Variants in POLR3F observed in about 807,000 individuals in gnomAD.
POLR3F encodes RNA polymerase III subunit F, also known as DNA-directed RNA polymerase III subunit RPC6.
POLR3F carries 31 observed loss-of-function variants against 43.6 expected under a neutral mutation model. The observed-to-expected ratio is 0.71, with a 90% CI of 0.53 to 0.96. The LOEUF (loss-of-function observed/expected upper bound fraction) is 0.96. POLR3F is among the 40% of genes least tolerant of loss of function. The probability of loss-of-function intolerance (pLI) is 0.00; values close to 1 mark genes in which losing one functional copy is unlikely to be tolerated. For missense variants in POLR3F, 316 were observed against 391.7 expected (o/e 0.81, Z 1.63); for synonymous variants, 114 against 132.5 (o/e 0.86, Z 0.96).
rs1330795235 is a variant in POLR3F, at chr20:18,483,706, A to C, written c.*148A>C. 4 of 430,624 alleles carry C rather than the reference A, an allele frequency of 9.3e-6. No individual in the cohort carries two copies. 26.7% of individuals were successfully genotyped at this position (430,624 alleles called of 1,614,324 possible). On this transcript the variant is annotated 3_prime_UTR_variant, in exon 9 of 9. Coordinates refer to ENST00000377603, the MANE Select transcript of POLR3F (RefSeq NM_006466.4). ...GCTGCTATGAAAACATATTTTTTTT[A>C]TTTATGAAGACTAAATTTATATTGG...
chr20:18,481,276 T>A (rs2059807860), intron 7 of POLR3F, among the ~76,000 whole-genome samples: 1 of 152,174 alleles, frequency 6.6e-6, no homozygotes, highest in African/African-American at 2.4e-5. Flanking sequence ...AGTTTGGCTC[T>A]TGTTGCCCAG....
chr20:18,475,273 G>T, intron 5 of POLR3F, 86 bp downstream of exon 5: 1 of 590,972 alleles, frequency 1.7e-6, no homozygotes, highest in Non-Finnish European at 3.1e-6. Context: ...TAGAACAGCT[G>T]GTCAAAAAAG....
At position 18,472,876 on chromosome 20, in the gene POLR3F, T is replaced by C. The variant is rs1185033441; in HGVS notation, c.215T>C (p.Leu72Pro). ...QLDLLRSNTG[L>P]LYRIKDSQNA... ...GATCTCTTAAGGAGCAATACGGGCC[T>C]TTTATATAGAATAAAGGACTCTCAG... The change falls in exon 3 of 9, where the codon CTT becomes CCT. Residue 72 changes from leucine to proline, a missense_variant. By Grantham distance (98) the Leu-to-Pro change is moderately conservative. This residue lies in a region of POLR3F where 122 missense variants were observed against 133.8 expected (regional missense o/e 0.91). Coordinates refer to ENST00000377603, the MANE Select transcript of POLR3F (RefSeq NM_006466.4). The C allele has an allele frequency of 6.6e-7, 1 of 1,518,138 alleles. No homozygotes were observed. Among genetic ancestry groups the C allele is most frequent in the Non-Finnish European group, 9.1e-7 (1 of 1,104,640 alleles). The allele number at this position is 1,518,138 out of a possible 1,614,324, so 94.0% of individuals were successfully genotyped here.
At chr20:18,469,137 G>A (rs1296141903) in intron 2 of POLR3F, 76 bp downstream of exon 2, 1 of 762,480 alleles carries the variant, frequency 1.3e-6, no homozygotes, top group Non-Finnish European at 2.4e-6. Context: ...AGTTGTGATG[G>A]TTAATTTCAT....
chr20:18,484,177 G>A lies in POLR3F; in HGVS notation c.*619G>A. On this transcript the variant is annotated 3_prime_UTR_variant, in exon 9 of 9. Transcript: ENST00000377603. The stretch of plus-strand genomic sequence containing the variant: ...CTACCATACTTACTTCAAACCCAAT[G>A]ACTACTGTCAAGGACATATTTTCAG... 2.5e-6 allele frequency: 1 copy of A among 398,240 alleles called. No homozygotes were observed. The allele number at this position is 398,240 out of a possible 1,614,324, so 24.7% of individuals were successfully genotyped here.
rs1415216456 is a variant in POLR3F, at chr20:18,484,075, G to A, written c.*517G>A. On this transcript the variant is annotated 3_prime_UTR_variant, in exon 9 of 9. Transcript: ENST00000377603. ...AAGAGTGCAAACTTGGGGTATGACTGGGGGAGAGTGGAACATGCCTTTTCC... is the reference window on the plus strand; with the variant it reads ...AAGAGTGCAAACTTGGGGTATGACTAGGGGAGAGTGGAACATGCCTTTTCC... 1 of 398,354 alleles carries A rather than the reference G, an allele frequency of 2.5e-6. No homozygotes were observed. The highest frequency in any genetic ancestry group is 2.1e-5 in the African/African-American group (1 of 48,584). 24.7% of individuals were successfully genotyped at this position (398,354 alleles called of 1,614,324 possible). A position where few individuals can be genotyped will look rare whatever the true frequency, so the allele number is the denominator to read the frequency against.
rs761078307 is a variant in POLR3F at position 18,467,458 on chromosome 20, C to A, written c.-49C>A. The A allele has an allele frequency of 1.2e-6, 2 of 1,607,560 alleles. No homozygotes were observed. On this transcript the variant is annotated 5_prime_UTR_variant, in exon 1 of 9. Coordinates refer to ENST00000377603, the MANE Select transcript of POLR3F (RefSeq NM_006466.4). ...TTCCCCGGGTTCCCCGGCTTGCTAC[C>A]GGGCTGCTCCGTGCATCTTTCCCCC...
intron 8 of POLR3F, among the ~76,000 whole-genome samples, chr20:18,482,255 A>G (rs1226323467): frequency 6.6e-6 from 1 of 152,106 alleles, no homozygotes; most frequent in Non-Finnish European, 1.5e-5. Context: ...AAGTGCTGAG[A>G]TTACAGGCAT....
intron 4 of POLR3F, among the ~76,000 whole-genome samples, chr20:18,474,612 G>A (rs930175623): frequency 1.3e-5 from 2 of 151,170 alleles, no homozygotes; most frequent in Admixed American, 6.6e-5. Context: ...TCCGCCTCCC[G>A]GGTTCAAACG....
chr20:18,476,111 T>C (rs2059778623), intron 5 of POLR3F, among the ~76,000 whole-genome samples: 1 of 152,192 alleles, frequency 6.6e-6, no homozygotes, highest in South Asian at 2.1e-4. Context: ...ACTACAGAAT[T>C]CATTCAACCT....
Position 18,468,946 on chromosome 20 carries a change from T to C in POLR3F, c.65T>C (p.Ile22Thr). 7.1e-7 allele frequency: 1 copy of C among 1,398,680 alleles called. No homozygotes were observed. Among genetic ancestry groups the C allele is most frequent in the Non-Finnish European group, 1.0e-6 (1 of 983,502 alleles). The allele number at this position is 1,398,680 out of a possible 1,614,324, so 86.6% of individuals were successfully genotyped here. A position where few individuals can be genotyped will look rare whatever the true frequency, so the allele number is the denominator to read the frequency against. The change falls in exon 2 of 9, where the codon ATT becomes ACT. Residue 22 changes from isoleucine to threonine, a missense_variant and splice_region_variant. By Grantham distance (89) the Ile-to-Thr change is moderately conservative (BLOSUM62 -1). Coordinates refer to ENST00000377603, the MANE Select transcript of POLR3F (RefSeq NM_006466.4). ...AACATTAATACCTTTGTTTCTAGGA[T>C]TATAGAATTATGTCACCAGTTCCCT... ...DADPVEIENR[I>T]IELCHQFPHG...
Position 18,483,695 on chromosome 20 carries a change from A to T in POLR3F, c.*137A>T. 2.3e-6 allele frequency: 1 copy of T among 434,302 alleles called. No individual in the cohort carries two copies. The highest frequency in any genetic ancestry group is 3.5e-5 in the East Asian group (1 of 28,210). The allele number at this position is 434,302 out of a possible 1,614,324, so 26.9% of individuals were successfully genotyped here. A position where few individuals can be genotyped will look rare whatever the true frequency, so the allele number is the denominator to read the frequency against. On this transcript the variant is annotated 3_prime_UTR_variant, in exon 9 of 9. Coordinates refer to ENST00000377603, the MANE Select transcript of POLR3F (RefSeq NM_006466.4). ...GACGTAGACTTGCTGCTATGAAAAC[A>T]TATTTTTTTTATTTATGAAGACTAA...
At chr20:18,474,680 G>A (rs183749875) in intron 4 of POLR3F, among the ~76,000 whole-genome samples, 23 of 151,882 alleles carry the variant, frequency 1.5e-4, no homozygotes, top group Non-Finnish European at 2.4e-4. Context: ...CATCAGGCCC[G>A]GCTAATTATT....
chr20:18,483,783 C>A lies in POLR3F; in HGVS notation c.*225C>A. The A allele has an allele frequency of 5.0e-6, 2 of 401,088 alleles. No homozygotes were observed. Among genetic ancestry groups the A allele is most frequent in the Non-Finnish European group, 8.7e-6 (2 of 228,906 alleles). The allele number at this position is 401,088 out of a possible 1,614,324, so 24.8% of individuals were successfully genotyped here. Reference sequence around the variant, plus strand: ...AATAAGGTTAGTAGTGAAATTCATTCTTCAATAAATAAAACACTTTGAAAC... The same window carrying A: ...AATAAGGTTAGTAGTGAAATTCATTATTCAATAAATAAAACACTTTGAAAC... On this transcript the variant is annotated 3_prime_UTR_variant, in exon 9 of 9. Coordinates refer to ENST00000377603, the MANE Select transcript of POLR3F (RefSeq NM_006466.4).
chr20:18,477,241 G>A (rs1374641030), intron 5 of POLR3F, among the ~76,000 whole-genome samples: 1 of 152,128 alleles, frequency 6.6e-6, no homozygotes, highest in Non-Finnish European at 1.5e-5. Flanking sequence ...ATAAAATTTA[G>A]TATAGTGAGA....
At chr20:18,478,727 T>G (rs1302274254) in intron 5 of POLR3F, among the ~76,000 whole-genome samples, 2 of 152,220 alleles carry the variant, frequency 1.3e-5, no homozygotes, top group Non-Finnish European at 2.9e-5. Context: ...AGGGTTAATA[T>G]GCGCACATAA....
intron 1 of POLR3F, chr20:18,467,800 C>T (rs1396662846): frequency 6.3e-6 from 5 of 787,652 alleles, no homozygotes; most frequent in Non-Finnish European, 9.7e-6. Context: ...GCTGGCTTTG[C>T]CCTGATACTT....
chr20:18,482,460 C>T (rs2059815921), intron 8 of POLR3F, among the ~76,000 whole-genome samples: 1 of 152,112 alleles, frequency 6.6e-6, no homozygotes, highest in South Asian at 2.1e-4. Flanking sequence ...TTTCCATAGG[C>T]GGTCTCATTT....
chr20:18,473,139 C>CTT (rs146331734), intron 3 of POLR3F: 6 of 304,910 alleles, frequency 2.0e-5, no homozygotes, highest in East Asian at 5.4e-5. Context: ...TAATCTTTCT[C>CTT]TTTTTTTTTT....
Sources: gnomAD v4.1 joint callset for allele counts (sites outside exome capture counted in the v4.1 genomes callset) on GRCh38, gnomAD v4.1.1 for gene constraint, gnomAD v4.1.1 regional missense constraint, MANE v1.5 for transcripts, NCBI Gene and HGNC (gene_info 2026-07-23, HGNC 2026-07-21) for gene names.